Variants in DNMBP observed in about 807,000 individuals in gnomAD.
DNMBP encodes dynamin-binding protein.
A neutral mutation model predicts 150.0 loss-of-function variants in DNMBP; 87 were observed. That is an observed-to-expected ratio of 0.58 (90% confidence interval 0.49 to 0.69). DNMBP has a LOEUF of 0.69. Ranked by LOEUF, DNMBP falls within the 30% of genes least tolerant of loss-of-function variation. DNMBP has a pLI of 0.00. For missense variants in DNMBP, 1,774 were observed against 1,949.0 expected, an observed-to-expected ratio of 0.91 and a Z score of 1.69; for synonymous variants, 711 against 750.4, an observed-to-expected ratio of 0.95 and a Z score of 0.86.
rs766135459 is a variant in DNMBP at position 99,885,882 on chromosome 10, A to G, written c.3619-16T>C. The stretch of plus-strand genomic sequence containing the variant: ...CTTTGAGTAACTGGGGTCCATGGGA[A>G]GAGCAGAGATAGAGAAAAGAAGAAA... On this transcript the variant is annotated splice_polypyrimidine_tract_variant and intron_variant, in intron 13 of 16. Coordinates refer to ENST00000324109, the MANE Select transcript of DNMBP (RefSeq NM_015221.4). The G allele has an allele frequency of 6.3e-6, 10 of 1,598,902 alleles. No homozygotes were observed. The highest frequency in any genetic ancestry group is 8.5e-6 in the Non-Finnish European group (10 of 1,173,254).
At chr10:99,992,101 G>A (rs566332703) in intron 1 of DNMBP, among the ~76,000 whole-genome samples, 2 of 151,878 alleles carry the variant, frequency 1.3e-5, no homozygotes, top group Admixed American at 1.3e-4. Context: ...TTGGGCGGGT[G>A]AGGTGGCATG....
intron 5 of DNMBP, among the ~76,000 whole-genome samples, chr10:99,908,659 A>G (rs1263380357): frequency 1.3e-5 from 2 of 152,230 alleles, no homozygotes; most frequent in Non-Finnish European, 2.9e-5. Context: ...GCCTTCTAGC[A>G]GGGCCACGAT....
intron 3 of DNMBP, among the ~76,000 whole-genome samples, chr10:99,962,414 G>C (rs1257205751): frequency 6.6e-6 from 1 of 152,180 alleles, no homozygotes; most frequent in Non-Finnish European, 1.5e-5. Context: ...GGGGGATCAC[G>C]AGGTCAGGAG....
At chr10:99,929,937 GCA>G (rs1247241120) in intron 4 of DNMBP, 1 of 702,834 alleles carries the variant, frequency 1.4e-6, no homozygotes. Context: ...AGATTTATAT[GCA>G]CAGTTTGCAA....
chr10:99,930,628 T>C (rs1358902729), intron 4 of DNMBP: 1 of 702,972 alleles, frequency 1.4e-6, no homozygotes, highest in Admixed American at 2.0e-5. Flanking sequence ...TCCAAGTCAT[T>C]TTCTCTGTAG....
chr10:99,909,114 GTGA>G lies in DNMBP; in HGVS notation c.2290_2292del (p.Ser764del). Reference sequence around the variant, plus strand: ...GACACAGACCCAGAAGGGGCCACCAGTGATGAAGACTGGGAGGAGAGGAGCGTC... The same window carrying G: ...GACACAGACCCAGAAGGGGCCACCAGTGAAGACTGGGAGGAGAGGAGCGTC... On this transcript the variant is annotated inframe_deletion, in exon 5 of 17. Coordinates refer to ENST00000324109, the MANE Select transcript of DNMBP (RefSeq NM_015221.4). 1.2e-6 allele frequency: 2 copies of G among 1,614,130 alleles called. No homozygotes were observed. Among genetic ancestry groups the G allele is most frequent in the Non-Finnish European group, 1.7e-6 (2 of 1,180,014 alleles).
chr10:99,964,898 A>G (rs1418716784), intron 3 of DNMBP, among the ~76,000 whole-genome samples: 2 of 150,008 alleles, frequency 1.3e-5, no homozygotes, highest in Non-Finnish European at 3.0e-5. Flanking sequence ...ATATATATAT[A>G]TATATATTTT....
intron 1 of DNMBP, among the ~76,000 whole-genome samples, chr10:99,987,526 G>A (rs2040842086): frequency 6.6e-6 from 1 of 152,126 alleles, no homozygotes; most frequent in Non-Finnish European, 1.5e-5. Flanking sequence ...CTGAGGTCAG[G>A]AGTTCGAGAC....
Position 99,957,261 on chromosome 10 carries a change from T to A in DNMBP, c.269-56A>T, listed in dbSNP as rs76352978. ...TCAGTCATCACCCAGCAGAACATTATCACGACTAATAGTGCAACCTCTCAT... is the reference window on the plus strand; with the variant it reads ...TCAGTCATCACCCAGCAGAACATTAACACGACTAATAGTGCAACCTCTCAT... On this transcript the variant is annotated intron_variant, in intron 3 of 16. Transcript: ENST00000324109. The A allele has an allele frequency of 2.1e-3, 3,096 of 1,477,834 alleles. 34 individuals are homozygous for A. The African/African-American group carries it at 0.031, about 15-fold the overall frequency. The allele number at this position is 1,477,834 out of a possible 1,614,324, so 91.5% of individuals were successfully genotyped here. A position where few individuals can be genotyped will look rare whatever the true frequency, so the allele number is the denominator to read the frequency against.
intron 4 of DNMBP, among the ~76,000 whole-genome samples, chr10:99,952,820 TA>T (rs2040439444): frequency 6.6e-6 from 1 of 152,344 alleles, no homozygotes; most frequent in Admixed American, 6.5e-5. Flanking sequence ...AGACCTAAAG[TA>T]GAAAGGGAGG....
At chr10:99,905,985 A>G (rs769361264) in intron 6 of DNMBP, among the ~76,000 whole-genome samples, 24 of 152,116 alleles carry the variant, frequency 1.6e-4, no homozygotes, top group Non-Finnish European at 2.9e-4. Context: ...AGAAGAAACA[A>G]CAGTACCTAA....
At chr10:99,901,832 G>A (rs568238501) in intron 6 of DNMBP, among the ~76,000 whole-genome samples, 2 of 152,204 alleles carry the variant, frequency 1.3e-5, no homozygotes, top group South Asian at 2.1e-4. Flanking sequence ...GGAGCCTATC[G>A]CTGCTTCTGT....
At chr10:99,880,570 T>C (rs2039351604) in intron 15 of DNMBP, among the ~76,000 whole-genome samples, 1 of 152,212 alleles carries the variant, frequency 6.6e-6, no homozygotes, top group Non-Finnish European at 1.5e-5. Context: ...CAGGATGTGA[T>C]GTGTGTAGGT....
chr10:99,900,125 A>C, intron 6 of DNMBP, 59 bp from the exon 7 acceptor site: 1 of 1,595,182 alleles, frequency 6.3e-7, no homozygotes, highest in Admixed American at 1.7e-5. Context: ...AGTATACTAA[A>C]TGTAAGGTAC....
chr10:99,987,612 T>C (rs1198070346), intron 1 of DNMBP, among the ~76,000 whole-genome samples: 3 of 151,996 alleles, frequency 2.0e-5, no homozygotes, highest in Non-Finnish European at 2.9e-5. Context: ...TGTGCACCTG[T>C]AGTCCCAGCT....
chr10:99,879,710 C>A lies in DNMBP; in HGVS notation c.4548+101G>T, dbSNP rs1001735437. The A allele has an allele frequency of 1.9e-6, 3 of 1,548,560 alleles. No homozygotes were observed. The Admixed American group carries it at 5.5e-5, about 29-fold the overall frequency. On this transcript the variant is annotated intron_variant, in intron 16 of 16. Coordinates refer to ENST00000324109, the MANE Select transcript of DNMBP (RefSeq NM_015221.4). Reference sequence around the variant, plus strand: ...GTGTCTGTGAGCTCATCTCAGATCACCCCTAGGCCTCAGGCAAGCCACTTC... The same window carrying A: ...GTGTCTGTGAGCTCATCTCAGATCAACCCTAGGCCTCAGGCAAGCCACTTC...
At chr10:100,000,052 A>G (rs971279956) in intron 1 of DNMBP, among the ~76,000 whole-genome samples, 2 of 152,218 alleles carry the variant, frequency 1.3e-5, no homozygotes, top group African/African-American at 4.8e-5. Context: ...AGCATTTTAT[A>G]TAGTGCTATT....
Position 99,955,868 on chromosome 10 carries a change from C to A in DNMBP, c.1606G>T (p.Ala536Ser). The A allele has an allele frequency of 6.2e-7, 1 of 1,614,224 alleles. No individual in the cohort carries two copies. The highest frequency in any genetic ancestry group is 8.5e-7 in the Non-Finnish European group (1 of 1,180,038). The change falls in exon 4 of 17, where the codon GCA (alanine) becomes TCA (serine). Residue 536 changes from alanine (A) to serine (S), a missense_variant. Transcript: ENST00000324109. ...GPQAQGLVMEAATHSQGDGST... is the reference protein window; with the variant it reads ...GPQAQGLVMESATHSQGDGST... ...CCGTCTCCCTGTGAATGTGTTGCTG[C>A]TTCCATAACAAGCCCTTGGGCTTGC...
At chr10:99,965,651 T>C (rs535133056) in intron 3 of DNMBP, among the ~76,000 whole-genome samples, 2 of 152,116 alleles carry the variant, frequency 1.3e-5, no homozygotes, top group African/African-American at 2.4e-5. Flanking sequence ...GTATGCACCA[T>C]CATGCCCAGC....
Sources: allele counts gnomAD v4.1 joint callset (sites outside exome capture counted in the v4.1 genomes callset), GRCh38; gene constraint gnomAD v4.1.1; transcripts MANE v1.5; gene names NCBI Gene and HGNC (gene_info 2026-07-23, HGNC 2026-07-21).